The following TEX11 variants were observed in gnomAD, a reference collection of about 807,000 sequenced individuals.
TEX11 encodes the protein testis expressed 11, also known as testis-expressed protein 11.
In TEX11, 7 loss-of-function variants were observed where a neutral mutation model predicts 84.4. That is an observed-to-expected ratio of 0.08 (90% CI 0.05 to 0.16). The LOEUF (loss-of-function observed/expected upper bound fraction) is 0.16, where lower values mean the gene tolerates loss of function less well. Ranked by LOEUF, TEX11 falls within the 10% of genes least tolerant of loss-of-function variation. The probability of loss-of-function intolerance (pLI) is 1.00; values close to 1 mark genes in which losing one functional copy is unlikely to be tolerated. For missense variants in TEX11, 551 were observed against 660.5 expected (o/e 0.83, Z 1.82); for synonymous variants, 264 against 222.8 (o/e 1.18, Z -1.64).
intron 9 of TEX11, among the ~76,000 whole-genome samples, chrX:70,750,370 C>T (rs1320109092): frequency 9.0e-6 from 1 of 111,478 alleles, no homozygotes; most frequent in African/African-American, 3.3e-5. Context: ...TGTGGTGATT[C>T]CTCAGGGATC....
At chrX:70,699,518 A>G (rs2090308690) in intron 13 of TEX11, among the ~76,000 whole-genome samples, 1 of 112,085 alleles carries the variant, frequency 8.9e-6, no homozygotes, top group Non-Finnish European at 1.9e-5. Flanking sequence ...AGGATGTCAA[A>G]GGATCAAACC....
At chrX:70,820,692 AAAC>A (rs1460825363) in intron 8 of TEX11, among the ~76,000 whole-genome samples, 3 of 110,813 alleles carry the variant, frequency 2.7e-5, no homozygotes, top group Admixed American at 9.6e-5. Flanking sequence ...ACACTTTTCT[AAAC>A]AACAAGATCT....
intron 7 of TEX11, among the ~76,000 whole-genome samples, chrX:70,852,043 C>T (rs1569455360): frequency 8.9e-6 from 1 of 111,992 alleles, no homozygotes; most frequent in Non-Finnish European, 1.9e-5. Context: ...ATGTTTTAAA[C>T]TTAGCTTGTG....
chrX:70,905,909 C>A (rs1227508295), intron 2 of TEX11, among the ~76,000 whole-genome samples: 3 of 102,624 alleles, frequency 2.9e-5, no homozygotes, highest in African/African-American at 1.1e-4. Context: ...AAAAATTAGC[C>A]GGGCATGGTG....
rs182376204 is a variant in TEX11, at chrX:70,764,634, C to A, written c.693-20415G>T. 2.9e-4 allele frequency among the ~76,000 whole-genome samples: 32 copies of A among 111,302 alleles called. No homozygotes were observed. The East Asian group carries it at 8.1e-3, about 28-fold the overall frequency. On this transcript the variant is annotated intron_variant, in intron 9 of 29. Coordinates refer to ENST00000374333, the MANE Select transcript of TEX11 (RefSeq NM_031276.3). ...AGATACAAATATTAAAATCACAGAT[C>A]AAAGAGGAGACACAACTGATACCAC... is the stretch of plus-strand genomic sequence containing the variant.
intron 10 of TEX11, among the ~76,000 whole-genome samples, chrX:70,743,804 A>G (rs1174345692): frequency 9.3e-6 from 1 of 106,997 alleles, no homozygotes; most frequent in East Asian, 3.0e-4. Context: ...TGAACCTGGG[A>G]GGCAGAGGTT....
chrX:70,546,214 C>A (rs984838725), intron 28 of TEX11, among the ~76,000 whole-genome samples: 1 of 111,838 alleles, frequency 8.9e-6, no homozygotes, highest in African/African-American at 3.2e-5. Context: ...AACAAAACAT[C>A]ATTTAGACCC....
At chrX:70,779,271 C>T (rs374068358) in intron 9 of TEX11, among the ~76,000 whole-genome samples, 1 of 107,613 alleles carries the variant, frequency 9.3e-6, no homozygotes, top group South Asian at 4.2e-4. Flanking sequence ...AAAAATTAGC[C>T]AAGAGTGGTC....
chrX:70,529,640 C>T (rs758523471), intron 29 of TEX11, among the ~76,000 whole-genome samples, 195 bp downstream of exon 29: 1 of 111,898 alleles, frequency 8.9e-6, no homozygotes, highest in East Asian at 2.8e-4. Flanking sequence ...TGTTCTCTGT[C>T]CTTCTTGGTT....
At chrX:70,890,245 C>T (rs748076629) in intron 2 of TEX11, among the ~76,000 whole-genome samples, 3 of 111,454 alleles carry the variant, frequency 2.7e-5, no homozygotes, top group African/African-American at 9.8e-5. Flanking sequence ...CAAATAGGAA[C>T]AGCTCTGGTC....
intron 7 of TEX11, among the ~76,000 whole-genome samples, chrX:70,842,461 A>C (rs1249661270): frequency 8.9e-6 from 1 of 111,916 alleles, no homozygotes; most frequent in Non-Finnish European, 1.9e-5. Flanking sequence ...TCAATAAATT[A>C]GGTATTCATG....
At chrX:70,907,913 A>T in intron 1 of TEX11, 103 bp from the exon 2 acceptor site, 2 of 545,559 alleles carry the variant, frequency 3.7e-6, no homozygotes, top group Non-Finnish European at 5.9e-6. Context: ...CCAAAGGGAG[A>T]AAAAAAGGCT....
intron 2 of TEX11, among the ~76,000 whole-genome samples, chrX:70,892,122 C>G (rs912956455): frequency 3.6e-5 from 4 of 110,923 alleles, no homozygotes; most frequent in Admixed American, 1.9e-4. Flanking sequence ...AATTTCATAT[C>G]CAGCCAAAAT....
intron 3 of TEX11, among the ~76,000 whole-genome samples, chrX:70,876,027 C>T (rs141716521): frequency 1.4e-3 from 156 of 111,761 alleles, no homozygotes; most frequent in African/African-American, 4.0e-3. Flanking sequence ...AAATAAGATG[C>T]GCTAATGGAC....
chrX:70,727,165 T>A (rs2090606139), intron 11 of TEX11, among the ~76,000 whole-genome samples: 1 of 111,485 alleles, frequency 9.0e-6, no homozygotes, highest in Admixed American at 9.6e-5. Context: ...GTAGTAGAGC[T>A]GAAATTTGAA....
At chrX:70,526,680 C>T (rs1025103065), downstream of TEX11, among the ~76,000 whole-genome samples, 1 of 111,733 alleles carries the variant, frequency 8.9e-6, no homozygotes, top group African/African-American at 3.3e-5. Context: ...CACATACACA[C>T]ATTTATTTCC....
intron 25 of TEX11, among the ~76,000 whole-genome samples, chrX:70,583,318 AC>A (rs929442138): frequency 9.0e-6 from 1 of 111,174 alleles, no homozygotes; most frequent in Non-Finnish European, 1.9e-5. Flanking sequence ...CCATGTGCAT[AC>A]TTTATTTAGC....
At chrX:70,734,202 T>G (rs2147737712) in intron 11 of TEX11, among the ~76,000 whole-genome samples, 1 of 110,204 alleles carries the variant, frequency 9.1e-6, no homozygotes, top group South Asian at 4.0e-4. Flanking sequence ...TACCTAATGT[T>G]AAATGACGAG....
chrX:70,767,245 T>C lies in TEX11; in HGVS notation c.693-23026A>G, dbSNP rs759626249. On this transcript the variant is annotated intron_variant, in intron 9 of 29. Transcript: ENST00000374333. Reference sequence around the variant, plus strand: ...ATAAGGGGTTAATGAGCAGAATATATAAGAAGCTTAAATAACTCTACAGGG... The same window carrying C: ...ATAAGGGGTTAATGAGCAGAATATACAAGAAGCTTAAATAACTCTACAGGG... Among the ~76,000 whole-genome samples, 4 of 111,678 alleles carry C rather than the reference T, an allele frequency of 3.6e-5. No homozygotes were observed. The South Asian group carries it at 1.5e-3, about 42-fold the overall frequency.
Sources: gnomAD v4.1 joint callset for allele counts (sites outside exome capture counted in the v4.1 genomes callset) on GRCh38, gnomAD v4.1.1 for gene constraint, MANE v1.5 for transcripts, NCBI Gene and HGNC (gene_info 2026-07-23, HGNC 2026-07-21) for gene names.